SCML4: variants seen among roughly 807,000 people sequenced by gnomAD.
The protein encoded by SCML4 is sex comb on midleg-like protein 4.
Under a neutral mutation model 41.1 loss-of-function variants are expected in SCML4, and 34 were observed. That is an observed-to-expected ratio of 0.83 (90% CI 0.63 to 1.10). The LOEUF (loss-of-function observed/expected upper bound fraction) is 1.10. Among genes scored for constraint, SCML4 ranks in the 50% least tolerant of loss-of-function variants. SCML4 has a pLI of 0.00. For synonymous variants in SCML4, 214 were observed against 220.9 expected (o/e 0.97, Z 0.28); for missense variants, 522 against 534.1 (o/e 0.98, Z 0.22).
chr6:107,844,675 C>G, the SCML4 span, among the ~76,000 whole-genome samples: 2 of 151,946 alleles, frequency 1.3e-5, no homozygotes, highest in Non-Finnish European at 2.9e-5. Flanking sequence ...AGGGGTACAG[C>G]TTTCCCTCAC....
At chr6:107,759,368 A>C (rs6568493) in intron 2 of SCML4, among the ~76,000 whole-genome samples, 2,759 of 148,890 alleles carry the variant, frequency 0.019, 35 homozygotes, top group Non-Finnish European at 0.026. Context: ...TACATACATA[A>C]GGCTGCTGTT....
intron 1 of SCML4, among the ~76,000 whole-genome samples, chr6:107,781,834 G>A (rs1422491774): frequency 1.3e-5 from 2 of 152,156 alleles, no homozygotes; most frequent in African/African-American, 4.8e-5. Flanking sequence ...GGAGACCAAG[G>A]CTCATGCTCC....
the SCML4 span, among the ~76,000 whole-genome samples, chr6:107,836,532 C>T: frequency 2.0e-5 from 3 of 152,192 alleles, no homozygotes; most frequent in Non-Finnish European, 2.9e-5. Context: ...ATGGGGCATC[C>T]TCACTGACTC....
intron 1 of SCML4, among the ~76,000 whole-genome samples, chr6:107,788,266 T>C (rs749854556): frequency 1.3e-5 from 2 of 152,198 alleles, no homozygotes; most frequent in Non-Finnish European, 2.9e-5. Context: ...GAGTGACTCT[T>C]GGGTATCAGT....
At chr6:107,747,337 C>T (rs1375920417) in intron 3 of SCML4, among the ~76,000 whole-genome samples, 2 of 152,146 alleles carry the variant, frequency 1.3e-5, no homozygotes, top group Admixed American at 6.5e-5. Flanking sequence ...GCCACTATCA[C>T]TCCAGAGACT....
intron 1 of SCML4, among the ~76,000 whole-genome samples, chr6:107,809,223 C>G (rs1178071302): frequency 6.6e-6 from 1 of 152,244 alleles, no homozygotes; most frequent in East Asian, 1.9e-4. Context: ...GCGCTTTCAG[C>G]CACCAGTCCT....
At position 107,702,525 on chromosome 6, in the gene SCML4, T is replaced by C. The variant is rs1773266024; in HGVS notation, c.*2675A>G. On this transcript the variant is annotated 3_prime_UTR_variant, in exon 8 of 8. Transcript: ENST00000369020. Reference sequence around the variant, plus strand: ...CTGTTGATGGAAGAGGTACCACAAGTATCGGAAGATTGAGAAAAAAAAGAG... The same window carrying C: ...CTGTTGATGGAAGAGGTACCACAAGCATCGGAAGATTGAGAAAAAAAAGAG... Among the ~76,000 whole-genome samples the C allele has an allele frequency of 6.6e-6, 1 of 152,182 alleles. No individual in the cohort carries two copies. Among genetic ancestry groups the C allele is most frequent in the South Asian group, 2.1e-4 (1 of 4,830 alleles).
chr6:107,740,255 T>G (rs1431024334), intron 5 of SCML4: 12 of 431,950 alleles, frequency 2.8e-5, no homozygotes, highest in Non-Finnish European at 4.3e-5. Flanking sequence ...GAGACCACCA[T>G]GCGGGTCTTG....
intron 1 of SCML4, among the ~76,000 whole-genome samples, chr6:107,802,553 T>C (rs1410274812): frequency 2.8e-5 from 4 of 140,460 alleles, no homozygotes; most frequent in Non-Finnish European, 4.5e-5. Flanking sequence ...TCAGGCCACT[T>C]AAGAGCATTG....
intron 1 of SCML4, among the ~76,000 whole-genome samples, chr6:107,801,483 GA>G (rs1783120859): frequency 6.6e-6 from 1 of 152,048 alleles, no homozygotes; most frequent in Admixed American, 6.6e-5. Flanking sequence ...ATCCTACAAT[GA>G]GCTCATTTCT....
intron 1 of SCML4, among the ~76,000 whole-genome samples, chr6:107,798,482 T>G (rs754563859): frequency 5.5e-4 from 84 of 151,972 alleles, no homozygotes; most frequent in Admixed American, 1.2e-3. Flanking sequence ...TAATCTGCAT[T>G]TTTCTTTCTT....
At chr6:107,776,685 C>T (rs1307002582) in intron 1 of SCML4, among the ~76,000 whole-genome samples, 1 of 152,130 alleles carries the variant, frequency 6.6e-6, no homozygotes, top group Admixed American at 6.5e-5. Flanking sequence ...AAAATTTACA[C>T]AGCCACACCT....
intron 2 of SCML4, among the ~76,000 whole-genome samples, chr6:107,758,777 A>G (rs1025184597): frequency 3.3e-5 from 5 of 152,136 alleles, no homozygotes; most frequent in African/African-American, 1.2e-4. Flanking sequence ...GAAAGAGAGC[A>G]TGGCCCTGCT....
At chr6:107,811,081 A>G (rs1784127275) in intron 1 of SCML4, among the ~76,000 whole-genome samples, 2 of 152,204 alleles carry the variant, frequency 1.3e-5, no homozygotes, top group Admixed American at 1.3e-4. Context: ...CCACATAAGG[A>G]CAGTGAGAAG....
chr6:107,776,383 C>T (rs1780949469), intron 1 of SCML4, among the ~76,000 whole-genome samples: 1 of 152,000 alleles, frequency 6.6e-6, no homozygotes, highest in Non-Finnish European at 1.5e-5. Flanking sequence ...AAAAGTGAAA[C>T]TCACTCACCC....
At chr6:107,740,903 T>A (rs1348453392) in intron 5 of SCML4, among the ~76,000 whole-genome samples, 1 of 152,140 alleles carries the variant, frequency 6.6e-6, no homozygotes, top group Non-Finnish European at 1.5e-5. Flanking sequence ...TTGCGTCTCC[T>A]CCTTCCCCCA....
the SCML4 span, among the ~76,000 whole-genome samples, chr6:107,832,005 G>C: frequency 1.3e-5 from 2 of 151,510 alleles, no homozygotes. Context: ...GGAGCTTGCA[G>C]TGAGCCGAGA....
At chr6:107,760,407 A>G (rs1233275861) in intron 2 of SCML4, among the ~76,000 whole-genome samples, 1 of 152,204 alleles carries the variant, frequency 6.6e-6, no homozygotes, top group African/African-American at 2.4e-5. Flanking sequence ...GACTTGTCCC[A>G]TCTTCTCCCA....
At chr6:107,745,278 T>C (rs1276409712) in intron 4 of SCML4, 135 bp from the exon 5 acceptor site, 4 of 649,188 alleles carry the variant, frequency 6.2e-6, no homozygotes, top group Non-Finnish European at 7.9e-6. Context: ...TTCACCTGTT[T>C]GTTCACAATG....
Sources: gnomAD v4.1 joint callset for allele counts (sites outside exome capture counted in the v4.1 genomes callset) on GRCh38, gnomAD v4.1.1 for gene constraint, MANE v1.5 for transcripts, NCBI Gene and HGNC (gene_info 2026-07-23, HGNC 2026-07-21) for gene names.